Variants in NR5A2 observed in about 807,000 individuals in gnomAD.
The protein encoded by NR5A2 is CYP7A promoter-binding factor.
NR5A2 carries 26 observed loss-of-function variants against 62.7 expected under a neutral mutation model. The observed-to-expected ratio is 0.41, with a 90% CI of 0.30 to 0.58. The LOEUF (loss-of-function observed/expected upper bound fraction) is 0.58. Among genes scored for constraint, NR5A2 ranks in the 20% least tolerant of loss-of-function variants. The pLI, the probability that NR5A2 is intolerant of heterozygous loss-of-function variation, is 0.22. For synonymous variants in NR5A2, 246 were observed against 241.7 expected (o/e 1.02, Z -0.16); for missense variants, 541 against 669.1 (o/e 0.81, Z 2.11).
At chr1:200,123,588 T>G (rs1666569340) in intron 7 of NR5A2, among the ~76,000 whole-genome samples, 1 of 152,170 alleles carries the variant, frequency 6.6e-6, no homozygotes, top group Non-Finnish European at 1.5e-5. Context: ...GCTTTCATTC[T>G]CTAGACAATT....
intron 2 of NR5A2, among the ~76,000 whole-genome samples, chr1:200,041,073 G>C (rs1662048292): frequency 6.6e-6 from 1 of 152,256 alleles, no homozygotes; most frequent in Non-Finnish European, 1.5e-5. Flanking sequence ...GGGCATCGGG[G>C]AAGTGGCGCT....
chr1:200,126,153 T>G (rs1236258261), intron 7 of NR5A2, among the ~76,000 whole-genome samples: 1 of 152,138 alleles, frequency 6.6e-6, no homozygotes, highest in African/African-American at 2.4e-5. Context: ...TGGCCCTCCC[T>G]TGAAAGACCT....
At chr1:200,161,093 G>A (rs1481258520) in intron 7 of NR5A2, among the ~76,000 whole-genome samples, 2 of 152,066 alleles carry the variant, frequency 1.3e-5, no homozygotes, top group African/African-American at 4.8e-5. Flanking sequence ...TAAGGACTAA[G>A]ACCTCCAAGA....
chr1:200,125,998 C>T (rs1252053788), intron 7 of NR5A2, among the ~76,000 whole-genome samples: 2 of 152,008 alleles, frequency 1.3e-5, no homozygotes, highest in African/African-American at 2.4e-5. Flanking sequence ...ACAGGTCACA[C>T]TCATTGCCTG....
At chr1:200,161,349 G>T (rs1653633032) in intron 7 of NR5A2, among the ~76,000 whole-genome samples, 1 of 152,116 alleles carries the variant, frequency 6.6e-6, no homozygotes, top group Non-Finnish European at 1.5e-5. Context: ...ATATTTTAAT[G>T]TAGTTTTCAC....
At chr1:200,070,952 TG>T (rs1463223939) in intron 5 of NR5A2, among the ~76,000 whole-genome samples, 1 of 152,242 alleles carries the variant, frequency 6.6e-6, no homozygotes, top group Non-Finnish European at 1.5e-5. Context: ...AGAAACGTGT[TG>T]GCAATACTTT....
intron 7 of NR5A2, among the ~76,000 whole-genome samples, chr1:200,132,870 C>T (rs1667025977): frequency 6.6e-6 from 1 of 152,168 alleles, no homozygotes; most frequent in Admixed American, 6.5e-5. Context: ...TTTTGGACAG[C>T]ACCAATGTGG....
chr1:200,167,813 G>C (rs1441113406), intron 7 of NR5A2, among the ~76,000 whole-genome samples: 2 of 152,142 alleles, frequency 1.3e-5, no homozygotes, highest in East Asian at 3.9e-4. Context: ...CTGTCTGCTA[G>C]GATGTGCGTT....
chr1:200,073,284 ATATATATTCCCCTT>A (rs1179510997), intron 5 of NR5A2, among the ~76,000 whole-genome samples: 25 of 99,224 alleles, frequency 2.5e-4, no homozygotes, highest in African/African-American at 8.0e-4. Flanking sequence ...ATATATATAT[ATATATATTCCCCTT>A]TATATATATA....
chr1:200,104,513 T>G (rs991818609), intron 5 of NR5A2, among the ~76,000 whole-genome samples: 1 of 152,212 alleles, frequency 6.6e-6, no homozygotes, highest in Non-Finnish European at 1.5e-5. Context: ...CAGAACAAAC[T>G]TCTATAAATG....
At chr1:200,126,052 T>G (rs1666687244) in intron 7 of NR5A2, among the ~76,000 whole-genome samples, 4 of 152,208 alleles carry the variant, frequency 2.6e-5, no homozygotes, top group South Asian at 4.1e-4. Flanking sequence ...CTCACTATGT[T>G]GCCCAGGCTG....
chr1:200,031,305 A>G (rs1661538358), intron 1 of NR5A2, among the ~76,000 whole-genome samples: 1 of 152,094 alleles, frequency 6.6e-6, no homozygotes, highest in Admixed American at 6.5e-5. Context: ...GGAGATCCAG[A>G]CCAGCCTAGG....
chr1:200,129,724 G>A, intron 7 of NR5A2, among the ~76,000 whole-genome samples: 1 of 151,942 alleles, frequency 6.6e-6, no homozygotes, highest in East Asian at 1.9e-4. Flanking sequence ...TGACATTGTG[G>A]TGTAAATCAT....
chr1:200,129,293 G>C (rs544572266), intron 7 of NR5A2, among the ~76,000 whole-genome samples: 41 of 152,104 alleles, frequency 2.7e-4, no homozygotes, highest in African/African-American at 9.2e-4. Context: ...GAAAATGAAG[G>C]CTTTATAAAC....
chr1:200,135,677 G>A (rs1422394281), intron 7 of NR5A2, among the ~76,000 whole-genome samples: 2 of 152,144 alleles, frequency 1.3e-5, no homozygotes, highest in African/African-American at 4.8e-5. Flanking sequence ...CCTTAGGAAC[G>A]TGTATCACCT....
intron 7 of NR5A2, among the ~76,000 whole-genome samples, chr1:200,159,500 G>C (rs895243247): frequency 4.6e-5 from 7 of 152,134 alleles, no homozygotes; most frequent in African/African-American, 1.7e-4. Flanking sequence ...TGAGCACTAA[G>C]GTCAAGCAAA....
intron 1 of NR5A2, chr1:200,029,029 G>A (rs1661448925): frequency 2.3e-6 from 1 of 441,220 alleles, no homozygotes; most frequent in Non-Finnish European, 4.6e-6. Context: ...CAATTGTTCT[G>A]CAGATAACAC....
chr1:200,124,238 C>G (rs954819697), intron 7 of NR5A2, among the ~76,000 whole-genome samples: 1 of 152,154 alleles, frequency 6.6e-6, no homozygotes, highest in African/African-American at 2.4e-5. Flanking sequence ...GGATGTCTAG[C>G]TGGAATAGAA....
chr1:200,168,547 G>C (rs902440155), intron 7 of NR5A2, among the ~76,000 whole-genome samples: 1 of 152,024 alleles, frequency 6.6e-6, no homozygotes, highest in Non-Finnish European at 1.5e-5. Context: ...ATTCTAGTTG[G>C]TAAAAATAAC....
Sources: allele counts gnomAD v4.1 joint callset (sites outside exome capture counted in the v4.1 genomes callset), GRCh38; gene constraint gnomAD v4.1.1; transcripts MANE v1.5; gene names NCBI Gene and HGNC (gene_info 2026-07-23, HGNC 2026-07-21).